The following STXBP4 variants were observed in gnomAD, a reference collection of about 807,000 sequenced individuals.
STXBP4 encodes syntaxin binding protein 4, also known as syntaxin-binding protein 4.
STXBP4 carries 55 observed loss-of-function variants against 76.1 expected under a neutral mutation model. The ratio of observed to expected loss-of-function variants is 0.72; its 90% CI spans 0.58 to 0.91. STXBP4 has a LOEUF of 0.91. Ranked by LOEUF, STXBP4 falls within the 40% of genes least tolerant of loss-of-function variation. The pLI is 0.00. For synonymous variants in STXBP4, 201 were observed against 220.2 expected (o/e 0.91, Z 0.77); for missense variants, 618 against 636.9 (o/e 0.97, Z 0.32).
At chr17:55,006,951 A>G (rs1032686742) in intron 7 of STXBP4, among the ~76,000 whole-genome samples, 16 of 152,214 alleles carry the variant, frequency 1.1e-4, no homozygotes, top group African/African-American at 3.6e-4. Flanking sequence ...TTAAGTTAAT[A>G]TATCTGTGGG....
At chr17:55,017,417 C>T (rs1485977077) in intron 8 of STXBP4, among the ~76,000 whole-genome samples, 1 of 152,150 alleles carries the variant, frequency 6.6e-6, no homozygotes, top group Non-Finnish European at 1.5e-5. Context: ...GGTTTATAGC[C>T]TAGATGCCTA....
chr17:55,126,156 G>C (rs911373576), intron 16 of STXBP4, among the ~76,000 whole-genome samples: 3 of 152,150 alleles, frequency 2.0e-5, no homozygotes, highest in African/African-American at 4.8e-5. Context: ...AGTTTTTACA[G>C]TATAATGTTT....
chr17:55,063,526 A>G (rs1335517418), intron 12 of STXBP4, among the ~76,000 whole-genome samples: 3 of 152,214 alleles, frequency 2.0e-5, no homozygotes, highest in Non-Finnish European at 4.4e-5. Flanking sequence ...CTTTGGCATC[A>G]GTTGTACTAT....
At chr17:55,054,360 A>T (rs938137178) in intron 12 of STXBP4, among the ~76,000 whole-genome samples, 9 of 152,112 alleles carry the variant, frequency 5.9e-5, no homozygotes, top group African/African-American at 2.2e-4. Context: ...ATGGTAGCAC[A>T]TGCCTGTCAT....
rs1199652717 is a variant in STXBP4, at chr17:55,168,026, T to C, written c.*8115T>C. 2 of 152,188 alleles carry C rather than the reference T, an allele frequency of 1.3e-5. No homozygotes were observed. Among genetic ancestry groups the C allele is most frequent in the Admixed American group, 6.5e-5 (1 of 15,278 alleles). The allele number at this position is 152,188 out of a possible 1,614,324, so 9.4% of individuals were successfully genotyped here. ...GCAGTTTTATCATTCAGAGAAGTAA[T>C]CTATGCATTTAATCTAATGCCAGCT... On this transcript the variant is annotated 3_prime_UTR_variant, in exon 18 of 18. Transcript: ENST00000376352.
intron 16 of STXBP4, among the ~76,000 whole-genome samples, chr17:55,128,265 A>C (rs371937480): frequency 6.6e-6 from 1 of 150,712 alleles, no homozygotes; most frequent in East Asian, 1.9e-4. Context: ...TCAACAAATG[A>C]AAGTCAAAAA....
At chr17:54,991,237 G>A in intron 4 of STXBP4, 1 of 181,028 alleles carries the variant, frequency 5.5e-6, no homozygotes, top group Non-Finnish European at 1.1e-5. Flanking sequence ...ATCTGATTGA[G>A]AGAAATTATA....
intron 16 of STXBP4, among the ~76,000 whole-genome samples, chr17:55,115,656 T>TA (rs2079772236): frequency 1.3e-5 from 2 of 151,900 alleles, no homozygotes; most frequent in African/African-American, 2.4e-5. Context: ...GTGATACAAT[T>TA]ACTGCAAAAA....
At chr17:55,098,985 C>T (rs960333086) in intron 16 of STXBP4, among the ~76,000 whole-genome samples, 2 of 152,128 alleles carry the variant, frequency 1.3e-5, no homozygotes, top group African/African-American at 4.8e-5. Flanking sequence ...GTTTAGTAAG[C>T]ACATTTAATA....
chr17:55,206,851 G>A, the STXBP4 span, among the ~76,000 whole-genome samples: 5 of 67,636 alleles, frequency 7.4e-5, no homozygotes, highest in Non-Finnish European at 1.3e-4. Flanking sequence ...AGGAAACTCC[G>A]TCTCAGAAAA....
chr17:54,980,293 G>A (rs537781043), intron 1 of STXBP4, among the ~76,000 whole-genome samples: 27 of 151,846 alleles, frequency 1.8e-4, no homozygotes, highest in Non-Finnish European at 2.8e-4. Context: ...ATTTTTAAAA[G>A]GCATTAAATT....
intron 1 of STXBP4, among the ~76,000 whole-genome samples, chr17:54,970,980 C>T (rs2077391708): frequency 1.6e-5 from 1 of 63,274 alleles, no homozygotes; most frequent in Non-Finnish European, 3.0e-5. Flanking sequence ...TGAATGACAA[C>T]TAAATATTTT....
At chr17:55,187,003 T>C in the STXBP4 span, among the ~76,000 whole-genome samples, 1 of 152,222 alleles carries the variant, frequency 6.6e-6, no homozygotes, top group African/African-American at 2.4e-5. Context: ...AGGTATTCAT[T>C]CAAGTGAGGC....
chr17:54,972,904 A>G (rs1223436038), intron 1 of STXBP4, among the ~76,000 whole-genome samples: 1 of 152,220 alleles, frequency 6.6e-6, no homozygotes, highest in East Asian at 1.9e-4. Flanking sequence ...GCTTGGCCCT[A>G]GAAAAGTGAA....
At position 55,081,078 on chromosome 17, in the gene STXBP4, A is replaced by G; in HGVS notation, c.1384A>G (p.Thr462Ala). The G allele has an allele frequency of 6.5e-7, 1 of 1,532,974 alleles. No individual in the cohort carries two copies. The highest frequency in any genetic ancestry group is 8.7e-7 in the Non-Finnish European group (1 of 1,147,504). 95.0% of individuals were successfully genotyped at this position (1,532,974 alleles called of 1,614,324 possible). Residue 462 changes from threonine (T) to alanine (A), a missense_variant, in exon 16 of 18, where the codon ACT (threonine) becomes GCT (alanine). Physicochemically the swap from Thr to Ala is moderately conservative, Grantham distance 58. Coordinates refer to ENST00000376352, the MANE Select transcript of STXBP4 (RefSeq NM_178509.6). ...SERRAVLASQ[T>A]SLTPLGRNGR... ...AAGAAGAGCTGTGTTAGCTTCTCAG[A>G]CTTCCCTCACACCACTGGGAAGGAA... is the stretch of plus-strand genomic sequence containing the variant.
chr17:55,080,991 G>C (rs1254340207), intron 15 of STXBP4, 59 bp from the exon 16 acceptor site: 3 of 1,313,486 alleles, frequency 2.3e-6, no homozygotes, highest in Non-Finnish European at 3.0e-6. Flanking sequence ...TTCAGATTTA[G>C]TAAAGATAGA....
intron 17 of STXBP4, among the ~76,000 whole-genome samples, chr17:55,145,030 A>G (rs1326977823): frequency 2.6e-5 from 4 of 151,346 alleles, no homozygotes; most frequent in African/African-American, 9.7e-5. Context: ...AGCCCTCTTC[A>G]CTCCCTCCCC....
At chr17:55,098,133 A>G (rs763470472) in intron 16 of STXBP4, among the ~76,000 whole-genome samples, 1 of 152,182 alleles carries the variant, frequency 6.6e-6, no homozygotes, top group Non-Finnish European at 1.5e-5. Context: ...CTGGAAGATA[A>G]TGAACAATTT....
At chr17:55,076,872 T>C (rs1388064554) in intron 13 of STXBP4, among the ~76,000 whole-genome samples, 2 of 152,174 alleles carry the variant, frequency 1.3e-5, no homozygotes, top group African/African-American at 4.8e-5. Flanking sequence ...GAGAAGTTTC[T>C]TTACCTCTGT....
Sources: gnomAD v4.1 joint callset for allele counts (sites outside exome capture counted in the v4.1 genomes callset) on GRCh38, gnomAD v4.1.1 for gene constraint, MANE v1.5 for transcripts, NCBI Gene and HGNC (gene_info 2026-07-23, HGNC 2026-07-21) for gene names.